Variants in TOX observed in about 807,000 individuals in gnomAD.
The protein encoded by TOX is thymocyte selection-associated high mobility group box protein TOX.
A neutral mutation model predicts 53.7 loss-of-function variants in TOX; 11 were observed. The observed-to-expected ratio is 0.20, with a 90% CI of 0.13 to 0.34. The LOEUF (loss-of-function observed/expected upper bound fraction) is 0.34, where lower values mean the gene tolerates loss of function less well. Ranked by LOEUF, TOX falls within the 10% of genes least tolerant of loss-of-function variation. The pLI is 1.00. For missense variants in TOX, 570 were observed against 664.6 expected, an observed-to-expected ratio of 0.86 and a Z score of 1.56; for synonymous variants, 225 against 245.3, an observed-to-expected ratio of 0.92 and a Z score of 0.77.
At chr8:58,874,374 G>GA (rs1811251062) in intron 3 of TOX, among the ~76,000 whole-genome samples, 1 of 152,038 alleles carries the variant, frequency 6.6e-6, no homozygotes, top group Non-Finnish European at 1.5e-5. Context: ...TGTGTGGGTA[G>GA]ACAGTGGTAA....
At chr8:58,947,727 A>G (rs1812548045) in intron 2 of TOX, among the ~76,000 whole-genome samples, 1 of 152,234 alleles carries the variant, frequency 6.6e-6, no homozygotes, top group Admixed American at 6.5e-5. Flanking sequence ...AGTGTAAACA[A>G]AAAGAATTAC....
At chr8:58,839,771 A>G (rs1274953129) in intron 4 of TOX, among the ~76,000 whole-genome samples, 1 of 152,224 alleles carries the variant, frequency 6.6e-6, no homozygotes, top group Non-Finnish European at 1.5e-5. Context: ...TGTAATATGT[A>G]TCTTATTTAG....
chr8:59,035,164 A>G (rs916585517), intron 1 of TOX, among the ~76,000 whole-genome samples: 2 of 152,208 alleles, frequency 1.3e-5, no homozygotes, highest in Non-Finnish European at 1.5e-5. Context: ...CTCTGGTACT[A>G]AATTTGTCTA....
At chr8:58,872,869 C>G (rs903913943) in intron 3 of TOX, among the ~76,000 whole-genome samples, 1 of 152,074 alleles carries the variant, frequency 6.6e-6, no homozygotes, top group Non-Finnish European at 1.5e-5. Flanking sequence ...TGACTTTAGA[C>G]AGTAAGAAGC....
intron 3 of TOX, among the ~76,000 whole-genome samples, chr8:58,915,531 C>G (rs1454975688): frequency 1.4e-4 from 18 of 130,580 alleles, no homozygotes; most frequent in African/African-American, 4.8e-4. Context: ...GAAAGGACAT[C>G]TACACCGAAA....
intron 1 of TOX, among the ~76,000 whole-genome samples, chr8:58,974,259 AC>A (rs1813053936): frequency 6.6e-6 from 1 of 152,084 alleles, no homozygotes. Context: ...CACTGCCCAG[AC>A]CCTGTAGAAA....
At chr8:58,967,486 A>G (rs956496360) in intron 1 of TOX, among the ~76,000 whole-genome samples, 3 of 152,120 alleles carry the variant, frequency 2.0e-5, no homozygotes, top group Non-Finnish European at 4.4e-5. Context: ...CACTGTTCCC[A>G]TGTAGCCTCC....
chr8:59,083,618 T>C (rs1290720601), intron 1 of TOX, among the ~76,000 whole-genome samples: 2 of 152,220 alleles, frequency 1.3e-5, no homozygotes, highest in East Asian at 1.9e-4. Context: ...TGAACCCTGC[T>C]CTTGTCTTCT....
chr8:59,017,943 A>G (rs1814046135), intron 1 of TOX, among the ~76,000 whole-genome samples: 1 of 152,198 alleles, frequency 6.6e-6, no homozygotes. Flanking sequence ...TCTAGTCAAA[A>G]AGAGAAAGAG....
At chr8:59,019,495 C>T (rs1438646074) in intron 1 of TOX, among the ~76,000 whole-genome samples, 3 of 152,156 alleles carry the variant, frequency 2.0e-5, no homozygotes, top group African/African-American at 7.2e-5. Context: ...GACAGCCATT[C>T]TACTTTTTAC....
At position 58,808,112 on chromosome 8, in the gene TOX, G is replaced by A. The variant is rs772182580; in HGVS notation, c.1544+6C>T. The A allele has an allele frequency of 1.9e-6, 3 of 1,607,060 alleles. No individual in the cohort carries two copies. The South Asian group carries it at 3.3e-5, about 18-fold the overall frequency. Reference sequence around the variant, plus strand: ...CACCACCAGGTGGCGATGACCGGCCGCTTACCCACTACTGCAGTAGTCGTT... The same window carrying A: ...CACCACCAGGTGGCGATGACCGGCCACTTACCCACTACTGCAGTAGTCGTT... On this transcript the variant is annotated splice_donor_region_variant and intron_variant, in intron 8 of 8. Transcript: ENST00000361421.
chr8:58,849,402 C>T (rs1810770898), intron 4 of TOX, among the ~76,000 whole-genome samples: 1 of 152,020 alleles, frequency 6.6e-6, no homozygotes, highest in African/African-American at 2.4e-5. Flanking sequence ...TTACACAGTC[C>T]ACTAAAATGA....
At chr8:58,817,669 C>T (rs1810204497) in intron 6 of TOX, among the ~76,000 whole-genome samples, 1 of 152,116 alleles carries the variant, frequency 6.6e-6, no homozygotes, top group Non-Finnish European at 1.5e-5. Context: ...TAGCCTATTG[C>T]AGAAGGGCTA....
At chr8:58,961,799 GC>G (rs1028225179) in intron 1 of TOX, among the ~76,000 whole-genome samples, 5 of 152,146 alleles carry the variant, frequency 3.3e-5, no homozygotes, top group Non-Finnish European at 5.9e-5. Flanking sequence ...GAGCCACCAT[GC>G]CCAGCTGAAC....
chr8:59,077,946 G>T (rs909799557), intron 1 of TOX, among the ~76,000 whole-genome samples: 1 of 152,150 alleles, frequency 6.6e-6, no homozygotes, highest in Non-Finnish European at 1.5e-5. Flanking sequence ...TGCAGGCCTT[G>T]GTTGCAGTTG....
chr8:58,966,715 T>C (rs557520720), intron 1 of TOX, among the ~76,000 whole-genome samples: 1 of 152,260 alleles, frequency 6.6e-6, no homozygotes, highest in African/African-American at 2.4e-5. Flanking sequence ...ACTATGCATT[T>C]ATCCTAAACC....
chr8:58,906,351 T>A (rs1278994417), intron 3 of TOX, among the ~76,000 whole-genome samples: 1 of 152,180 alleles, frequency 6.6e-6, no homozygotes, highest in African/African-American at 2.4e-5. Context: ...CAGTGGAAGG[T>A]CACAGCCAAT....
intron 1 of TOX, among the ~76,000 whole-genome samples, chr8:58,980,672 T>C (rs1037080543): frequency 6.6e-6 from 1 of 152,212 alleles, no homozygotes; most frequent in Non-Finnish European, 1.5e-5. Context: ...ACCAAGGCAA[T>C]GTGGTCCCTG....
At chr8:58,817,007 C>T (rs1370357114) in intron 6 of TOX, among the ~76,000 whole-genome samples, 1 of 152,160 alleles carries the variant, frequency 6.6e-6, no homozygotes, top group Non-Finnish European at 1.5e-5. Flanking sequence ...TGTCTGCTGA[C>T]TCCTGGGGTG....
Sources: allele counts gnomAD v4.1 joint callset (sites outside exome capture counted in the v4.1 genomes callset), GRCh38; gene constraint gnomAD v4.1.1; transcripts MANE v1.5; gene names NCBI Gene and HGNC (gene_info 2026-07-23, HGNC 2026-07-21).